Variants in FAM13B observed in about 807,000 individuals in gnomAD.
The protein encoded by FAM13B is family with sequence similarity 13 member B.
FAM13B carries 60 observed loss-of-function variants against 117.3 expected under a neutral mutation model. That is an observed-to-expected ratio of 0.51 (90% confidence interval 0.42 to 0.63). The LOEUF (loss-of-function observed/expected upper bound fraction) is 0.63, where lower values mean the gene tolerates loss of function less well. Ranked by LOEUF, FAM13B falls within the 30% of genes least tolerant of loss-of-function variation. The probability of loss-of-function intolerance (pLI) is 0.00; values close to 1 mark genes in which losing one functional copy is unlikely to be tolerated. For synonymous variants in FAM13B, 332 were observed against 356.1 expected (o/e 0.93, Z 0.76); for missense variants, 972 against 1,091.9 (o/e 0.89, Z 1.55).
At chr5:137,986,580 G>C (rs886691492) in intron 9 of FAM13B, among the ~76,000 whole-genome samples, 4 of 152,220 alleles carry the variant, frequency 2.6e-5, no homozygotes, top group Non-Finnish European at 4.4e-5. Flanking sequence ...CAGATGAAGA[G>C]TGGAGTAACA....
intron 6 of FAM13B, among the ~76,000 whole-genome samples, chr5:138,007,848 GT>G (rs1387298811): frequency 6.6e-6 from 1 of 152,148 alleles, no homozygotes; most frequent in African/African-American, 2.4e-5. Context: ...TTTCAAATGA[GT>G]TTTTAAGTTA....
intron 4 of FAM13B, among the ~76,000 whole-genome samples, chr5:138,012,214 CTCT>C (rs1170601076): frequency 4.5e-5 from 4 of 88,300 alleles, no homozygotes; most frequent in South Asian, 5.0e-4. Context: ...GGCCCCAATT[CTCT>C]TTTTTTTTTT....
chr5:138,019,085 C>T lies in FAM13B; in HGVS notation c.27G>A (p.Leu9=). 1 of 1,613,852 alleles carries T rather than the reference C, an allele frequency of 6.2e-7. No homozygotes were observed. Among genetic ancestry groups the T allele is most frequent in the South Asian group, 1.1e-5 (1 of 91,068 alleles). Reference sequence around the variant, plus strand: ...TAGCAAGAACGGAGTTGCAGTTACTCAAGGAAGGGGAGGAGCTCTTCCTCA... The same window carrying T: ...TAGCAAGAACGGAGTTGCAGTTACTTAAGGAAGGGGAGGAGCTCTTCCTCA... MRKSSSPS[L]SNCNSVLANK... The change falls in exon 3 of 24, where the codon TTG becomes TTA. Residue 9 remains leucine, a synonymous_variant. Coordinates refer to ENST00000689681, the MANE Select transcript of FAM13B (RefSeq NM_001385994.1).
chr5:137,998,868 G>A (rs1393728894), intron 7 of FAM13B, among the ~76,000 whole-genome samples: 1 of 152,166 alleles, frequency 6.6e-6, no homozygotes, highest in Non-Finnish European at 1.5e-5. Context: ...CCTTTGAACG[G>A]TGGAGGTAGC....
intron 10 of FAM13B, among the ~76,000 whole-genome samples, chr5:137,974,156 G>A (rs1301921644): frequency 4.7e-5 from 7 of 150,424 alleles, no homozygotes; most frequent in African/African-American, 1.7e-4. Context: ...ACATGCACAC[G>A]TATGTTTATT....
intron 9 of FAM13B, among the ~76,000 whole-genome samples, chr5:137,986,823 T>G (rs1201443111): frequency 3.3e-5 from 5 of 152,142 alleles, no homozygotes; most frequent in Non-Finnish European, 7.4e-5. Context: ...CAAGGAGAGG[T>G]GCCAGACTGG....
At chr5:137,978,323 A>C (rs946116555) in intron 10 of FAM13B, among the ~76,000 whole-genome samples, 7 of 152,032 alleles carry the variant, frequency 4.6e-5, no homozygotes, top group African/African-American at 1.4e-4. Flanking sequence ...TAGATTTTGA[A>C]ATTTCTGGAT....
chr5:137,981,184 C>CACCATG (rs1173558056), intron 10 of FAM13B, among the ~76,000 whole-genome samples: 1 of 149,342 alleles, frequency 6.7e-6, no homozygotes, highest in African/African-American at 2.5e-5. Context: ...ATGACGCTCT[C>CACCATG]ACCATGACCT....
intron 10 of FAM13B, among the ~76,000 whole-genome samples, chr5:137,968,520 C>G (rs187311125): frequency 6.6e-6 from 1 of 151,686 alleles, no homozygotes; most frequent in East Asian, 1.9e-4. Context: ...TTATGTAGCA[C>G]CTAGTACTAC....
intron 7 of FAM13B, among the ~76,000 whole-genome samples, chr5:137,989,122 G>A (rs1449423703): frequency 6.6e-6 from 1 of 152,230 alleles, no homozygotes; most frequent in African/African-American, 2.4e-5. Context: ...AGGGAGGAGT[G>A]ACCCTGCCTT....
At chr5:137,988,699 T>C (rs1473349198) in intron 7 of FAM13B, among the ~76,000 whole-genome samples, 7 of 152,224 alleles carry the variant, frequency 4.6e-5, no homozygotes, top group Non-Finnish European at 4.4e-5. Flanking sequence ...CAAATGCATA[T>C]GGCCATGGGT....
At chr5:137,959,163 T>C (rs1331056777) in intron 13 of FAM13B, among the ~76,000 whole-genome samples, 1 of 152,206 alleles carries the variant, frequency 6.6e-6, no homozygotes, top group Non-Finnish European at 1.5e-5. Context: ...TACAGGAATA[T>C]GGTACAATAT....
chr5:137,992,110 T>C (rs1354144254), intron 7 of FAM13B, among the ~76,000 whole-genome samples: 1 of 151,794 alleles, frequency 6.6e-6, no homozygotes, highest in African/African-American at 2.4e-5. Flanking sequence ...CAGGGTTTCA[T>C]CATGTTGCCC....
chr5:137,951,233 A>AAAAAAAT (rs1457502693), intron 17 of FAM13B, among the ~76,000 whole-genome samples: 4 of 147,026 alleles, frequency 2.7e-5, no homozygotes, highest in Non-Finnish European at 6.0e-5. Context: ...AAAAAAAAAA[A>AAAAAAAT]GGAGAGAGAG....
At chr5:137,970,326 A>G (rs1018977990) in intron 10 of FAM13B, among the ~76,000 whole-genome samples, 7 of 152,102 alleles carry the variant, frequency 4.6e-5, no homozygotes, top group Non-Finnish European at 1.0e-4. Flanking sequence ...AAACAAAAGA[A>G]TTTTCAACCC....
chr5:138,038,879 C>G (rs907863636), intron 1 of FAM13B, among the ~76,000 whole-genome samples: 1 of 152,192 alleles, frequency 6.6e-6, no homozygotes, highest in African/African-American at 2.4e-5. Flanking sequence ...GATCTCTGCC[C>G]TGGAAAAGCT....
At chr5:138,010,871 T>A (rs1581244413) in intron 6 of FAM13B, 137 bp downstream of exon 6, 2 of 902,460 alleles carry the variant, frequency 2.2e-6, no homozygotes, top group Non-Finnish European at 3.1e-6. Context: ...ACCTACTGAT[T>A]ACATATAATA....
chr5:138,048,839 T>C (rs1791714527), intron 1 of FAM13B, among the ~76,000 whole-genome samples: 1 of 152,188 alleles, frequency 6.6e-6, no homozygotes, highest in Admixed American at 6.5e-5. Flanking sequence ...TATAGCATCA[T>C]TGTACCCCAT....
chr5:137,988,288 T>C lies in FAM13B; in HGVS notation c.876A>G (p.Leu292=), dbSNP rs761010045. 4 of 1,555,200 alleles carry C rather than the reference T, an allele frequency of 2.6e-6. No homozygotes were observed. The South Asian group carries it at 4.9e-5, about 19-fold the overall frequency. ...ATACTACTTACTCTGTAGAGGCTGG[T>C]AGGATGCTGATGGGAGATATATGGG... The part of the protein sequence containing the change: ...TSTHISPISI[L]PASTDILERT... Residue 292 remains leucine (L), a synonymous_variant, in exon 8 of 24, where the codon CTA becomes CTG. Coordinates refer to ENST00000689681, the MANE Select transcript of FAM13B (RefSeq NM_001385994.1).
Sources: gnomAD v4.1 joint callset for allele counts (sites outside exome capture counted in the v4.1 genomes callset) on GRCh38, gnomAD v4.1.1 for gene constraint, MANE v1.5 for transcripts, NCBI Gene and HGNC (gene_info 2026-07-23, HGNC 2026-07-21) for gene names.